The following KRABD3 variants were observed in gnomAD, a reference collection of about 807,000 sequenced individuals.
KRABD3 encodes the protein KRAB domain-containing protein 3.
At chr7:149,734,066 C>T in the KRABD3 span, 37 of 1,580,044 alleles carry the variant, frequency 2.3e-5, no homozygotes, top group Admixed American at 4.0e-4. Flanking sequence ...CTCTTCTCCA[C>T]ATCTGCTCGT....
At chr7:149,725,349 G>T in the KRABD3 span, 1 of 1,602,034 alleles carries the variant, frequency 6.2e-7, no homozygotes, top group African/African-American at 1.3e-5. Flanking sequence ...TGGAAGCCCT[G>T]GAAGCCTGTC....
chr7:149,722,404 T>TG, the KRABD3 span: 33 of 1,595,540 alleles, frequency 2.1e-5, no homozygotes, highest in Non-Finnish European at 2.6e-5. Context: ...AAGGCCCTCT[T>TG]GTCTTCTCCT....
At chr7:149,733,858 C>G in the KRABD3 span, 4 of 1,597,144 alleles carry the variant, frequency 2.5e-6, no homozygotes, top group Non-Finnish European at 3.4e-6. Context: ...TGCCTGCTGC[C>G]TTACCCCTGC....
the KRABD3 span, chr7:149,720,771 G>A: frequency 3.0e-3 from 4,366 of 1,457,338 alleles, 93 homozygotes; most frequent in African/African-American, 0.043. Context: ...GTGAAAACAC[G>A]CACGTAGGTG....
chr7:149,731,489 A>G, the KRABD3 span, among the ~76,000 whole-genome samples: 18 of 152,282 alleles, frequency 1.2e-4, 1 homozygote, highest in East Asian at 3.3e-3. Flanking sequence ...AACACCACAC[A>G]CACACGCACC....
chr7:149,731,837 G>C, the KRABD3 span: 1 of 1,271,742 alleles, frequency 7.9e-7, no homozygotes, highest in Non-Finnish European at 1.1e-6. Flanking sequence ...CCCAGCTTGG[G>C]GAAAACAGCC....
At chr7:149,727,761 C>T in the KRABD3 span, among the ~76,000 whole-genome samples, 6 of 152,216 alleles carry the variant, frequency 3.9e-5, no homozygotes, top group East Asian at 1.9e-4. Context: ...AGCCAACTCC[C>T]GGCTCCCTCT....
the KRABD3 span, chr7:149,728,659 GA>G: frequency 8.1e-6 from 13 of 1,613,410 alleles, no homozygotes; most frequent in Non-Finnish European, 1.0e-5. Context: ...CCAGGAACTG[GA>G]CAGCAGACAA....
At chr7:149,727,152 C>T in the KRABD3 span, among the ~76,000 whole-genome samples, 1 of 152,188 alleles carries the variant, frequency 6.6e-6, no homozygotes, top group African/African-American at 2.4e-5. Context: ...TTTCCCCCAC[C>T]TGGTTAATCC....
At chr7:149,720,414 C>T in the KRABD3 span, among the ~76,000 whole-genome samples, 2 of 152,242 alleles carry the variant, frequency 1.3e-5, no homozygotes, top group African/African-American at 4.8e-5. Context: ...GCTCCAGCTC[C>T]CAAAAGTCCT....
the KRABD3 span, chr7:149,728,498 A>T: frequency 6.2e-7 from 1 of 1,610,810 alleles, no homozygotes; most frequent in Non-Finnish European, 8.5e-7. Context: ...AGTCCCCCTC[A>T]TCTGTGAATG....
the KRABD3 span, chr7:149,722,467 C>A: frequency 8.7e-6 from 14 of 1,607,588 alleles, no homozygotes; most frequent in Non-Finnish European, 8.5e-7. Context: ...GGCCCAGGAG[C>A]CCTGGGCGGG....
the KRABD3 span, chr7:149,733,598 A>G: frequency 6.3e-7 from 1 of 1,596,944 alleles, no homozygotes; most frequent in East Asian, 2.3e-5. Flanking sequence ...GGGACCCACG[A>G]GGCCTAAACC....
chr7:149,720,952 G>A, the KRABD3 span: 41 of 1,613,592 alleles, frequency 2.5e-5, no homozygotes, highest in Admixed American at 3.3e-5. Context: ...AGCGAGAGCC[G>A]GGGAGCCAGC....
chr7:149,723,648 C>A, the KRABD3 span: 3 of 1,374,188 alleles, frequency 2.2e-6, no homozygotes, highest in South Asian at 1.4e-5. Context: ...TGGCCCCACG[C>A]CCTTCTAACT....
chr7:149,714,971 G>T, the KRABD3 span: 1 of 1,147,452 alleles, frequency 8.7e-7, no homozygotes, highest in Non-Finnish European at 1.1e-6. Context: ...GCGCGGACCT[G>T]GGCCGCCGCC....
At chr7:149,716,402 G>T in the KRABD3 span, among the ~76,000 whole-genome samples, 1 of 152,360 alleles carries the variant, frequency 6.6e-6, no homozygotes, top group South Asian at 2.1e-4. Flanking sequence ...GGGGCCCGAG[G>T]AGGAAGGCCG....
chr7:149,723,667 GTT>G, the KRABD3 span: 2 of 1,524,934 alleles, frequency 1.3e-6, no homozygotes, highest in Non-Finnish European at 1.8e-6. Context: ...CTTGTCCCCT[GTT>G]TGTTGTTTGT....
At chr7:149,721,816 C>G in the KRABD3 span, 1 of 607,822 alleles carries the variant, frequency 1.6e-6, no homozygotes, top group Non-Finnish European at 3.1e-6. Context: ...CAGTTTCTAA[C>G]ATGCAGGCCC....
Sources: allele counts gnomAD v4.1 joint callset (sites outside exome capture counted in the v4.1 genomes callset), GRCh38; gene constraint gnomAD v4.1.1; transcripts MANE v1.5; gene names NCBI Gene and HGNC (gene_info 2026-07-23, HGNC 2026-07-21).